KMT5A: variants seen among roughly 807,000 people sequenced by gnomAD.
KMT5A encodes the protein N-lysine methyltransferase KMT5A.
In KMT5A, 6 loss-of-function variants were observed where a neutral mutation model predicts 40.6. That is an observed-to-expected ratio of 0.15 (90% CI 0.08 to 0.29). The LOEUF (loss-of-function observed/expected upper bound fraction) is 0.29. Ranked by LOEUF, KMT5A falls within the 10% of genes least tolerant of loss-of-function variation. The pLI, the probability that KMT5A is intolerant of heterozygous loss-of-function variation, is 1.00. For synonymous variants in KMT5A, 153 were observed against 178.8 expected, an observed-to-expected ratio of 0.86 and a Z score of 1.15; for missense variants, 308 against 459.1, an observed-to-expected ratio of 0.67 and a Z score of 3.01.
intron 7 of KMT5A, 97 bp from the exon 8 acceptor site, chr12:123,407,396 A>G: frequency 8.5e-7 from 1 of 1,174,360 alleles, no homozygotes; most frequent in Non-Finnish European, 1.2e-6. Flanking sequence ...ATGGCTTTAA[A>G]TCAGCATCCC....
At chr12:123,403,523 G>T in intron 5 of KMT5A, 50 bp from the exon 6 acceptor site, 1 of 1,604,374 alleles carries the variant, frequency 6.2e-7, no homozygotes, top group Non-Finnish European at 8.5e-7. Context: ...AGCTACGCAC[G>T]ATGGGCCTAG....
chr12:123,398,757 G>C (rs1244170585), intron 5 of KMT5A, among the ~76,000 whole-genome samples: 2 of 152,254 alleles, frequency 1.3e-5, no homozygotes, highest in African/African-American at 4.8e-5. Context: ...TGACTGCACA[G>C]ATAAAGCCCA....
rs924076929 is a variant in KMT5A at position 123,403,747 on chromosome 12, A to C, written c.657+115A>C. The C allele has an allele frequency of 8.2e-6, 9 of 1,103,390 alleles. No individual in the cohort carries two copies. In the African/African-American group the frequency reaches 1.1e-4, roughly 13 times the overall value. 68.3% of individuals were successfully genotyped at this position (1,103,390 alleles called of 1,614,324 possible). On this transcript the variant is annotated intron_variant, in intron 6 of 7. Coordinates refer to ENST00000402868, the MANE Select transcript of KMT5A (RefSeq NM_020382.7). ...CTTTCACCCTCTAATGGCCATGGTG[A>C]CCAGGCAGACTCTATTAGGTTGTCA... is the stretch of plus-strand genomic sequence containing the variant.
intron 2 of KMT5A, chr12:123,390,077 A>G (rs1201071420): frequency 2.1e-6 from 1 of 469,020 alleles, no homozygotes; most frequent in East Asian, 7.0e-5. Context: ...CTCTTCCCAG[A>G]TTCCCCAGTC....
At position 123,384,202 on chromosome 12, in the gene KMT5A, GC is replaced by G; in HGVS notation, c.5del (p.Ala2ValfsTer57). On this transcript the variant is annotated frameshift_variant, in exon 1 of 8. Coordinates refer to ENST00000402868, the MANE Select transcript of KMT5A (RefSeq NM_020382.7). LOFTEE classifies it high-confidence loss of function. This position sits in a 1 kb window ranked among gnomAD's most constrained non-coding sequence, Gnocchi z 5.7. ...CAGGCGGTGACAGAGTGGAGCCATGGCTAGAGGTATTTGCCCAAGTGGCCGG... is the reference window on the plus strand; with the variant it reads ...CAGGCGGTGACAGAGTGGAGCCATGGTAGAGGTATTTGCCCAAGTGGCCGG... M[A>X]RGRKMSKPRA... 3 of 1,613,724 alleles carry G rather than the reference GC, an allele frequency of 1.9e-6. No individual in the cohort carries two copies. The highest frequency in any genetic ancestry group is 2.5e-6 in the Non-Finnish European group (3 of 1,179,790).
chr12:123,406,603 C>G (rs190935542), intron 7 of KMT5A, among the ~76,000 whole-genome samples: 1 of 152,168 alleles, frequency 6.6e-6, no homozygotes, highest in Admixed American at 6.6e-5. Flanking sequence ...CGTGAGCCAC[C>G]GCGCCTGGCG....
rs1430140831 is a variant in KMT5A, at chr12:123,407,999, C to T, written c.*296C>T. ...CTTCCCGTGCATGCAGTCAAAGACT[C>T]AGCACAGGTTTTAGAGGAAATAGTC... On this transcript the variant is annotated 3_prime_UTR_variant, in exon 8 of 8. Coordinates refer to ENST00000402868, the MANE Select transcript of KMT5A (RefSeq NM_020382.7). 24 of 343,422 alleles carry T rather than the reference C, an allele frequency of 7.0e-5. No individual in the cohort carries two copies. Among genetic ancestry groups the T allele is most frequent in the Non-Finnish European group, 1.6e-5 (3 of 183,924 alleles). The allele number at this position is 343,422 out of a possible 1,614,324, so 21.3% of individuals were successfully genotyped here. A position where few individuals can be genotyped will look rare whatever the true frequency, so the allele number is the denominator to read the frequency against.
chr12:123,398,958 G>A (rs1877948892), intron 5 of KMT5A, among the ~76,000 whole-genome samples: 1 of 152,152 alleles, frequency 6.6e-6, no homozygotes, highest in Non-Finnish European at 1.5e-5. Context: ...AGCCAGGGCG[G>A]GCCTAGCGCC....
intron 1 of KMT5A, chr12:123,388,470 C>G (rs1388170402): frequency 6.6e-6 from 1 of 152,306 alleles, no homozygotes; most frequent in Non-Finnish European, 1.5e-5. Flanking sequence ...TACAGCCCTT[C>G]TGGGTTTGAC....
intron 5 of KMT5A, among the ~76,000 whole-genome samples, chr12:123,402,034 C>T (rs1200145250): frequency 1.3e-5 from 2 of 152,152 alleles, no homozygotes; most frequent in African/African-American, 2.4e-5. Context: ...CAAAGGTGTA[C>T]GCCACCACAC....
intron 1 of KMT5A, 59 bp from the exon 2 acceptor site, chr12:123,389,374 C>T: frequency 2.0e-6 from 2 of 1,011,100 alleles, no homozygotes; most frequent in South Asian, 9.1e-5. Context: ...GGCCCCGCTC[C>T]CCGCCCCGCC....
At chr12:123,393,672 T>C (rs1307554625) in intron 3 of KMT5A, among the ~76,000 whole-genome samples, 1 of 152,094 alleles carries the variant, frequency 6.6e-6, no homozygotes, top group African/African-American at 2.4e-5. Context: ...CCCAAATAGC[T>C]GGGATTATAG....
chr12:123,398,945 A>G (rs1877947390), intron 5 of KMT5A, among the ~76,000 whole-genome samples: 1 of 152,246 alleles, frequency 6.6e-6, no homozygotes, highest in African/African-American at 2.4e-5. Context: ...GGCTGAAGAC[A>G]GCAGCCAGGG....
At chr12:123,407,046 T>C (rs1878609331) in intron 7 of KMT5A, among the ~76,000 whole-genome samples, 1 of 141,486 alleles carries the variant, frequency 7.1e-6, no homozygotes, top group African/African-American at 2.6e-5. Context: ...AAAAAAAGCT[T>C]TGCAAATTGA....
intron 5 of KMT5A, among the ~76,000 whole-genome samples, chr12:123,398,014 G>A (rs562680394): frequency 6.6e-6 from 1 of 151,292 alleles, no homozygotes; most frequent in East Asian, 2.0e-4. Context: ...CAGGTGCAGT[G>A]GCTCACACCT....
chr12:123,396,674 T>G, intron 5 of KMT5A, among the ~76,000 whole-genome samples: 1 of 152,224 alleles, frequency 6.6e-6, no homozygotes, highest in East Asian at 1.9e-4. Flanking sequence ...ACCTTGTGAC[T>G]TGTAGCATGT....
At chr12:123,400,954 C>T (rs978513846) in intron 5 of KMT5A, among the ~76,000 whole-genome samples, 1 of 151,580 alleles carries the variant, frequency 6.6e-6, no homozygotes, top group Non-Finnish European at 1.5e-5. Flanking sequence ...ACCACTATGC[C>T]CGGCTGATTT....
intron 5 of KMT5A, among the ~76,000 whole-genome samples, chr12:123,396,641 G>C (rs1877750469): frequency 6.6e-6 from 1 of 152,200 alleles, no homozygotes; most frequent in Non-Finnish European, 1.5e-5. Context: ...TGCAGGGCTT[G>C]GTTAAGACAC....
chr12:123,405,826 T>A (rs537147154), intron 7 of KMT5A, among the ~76,000 whole-genome samples: 6 of 151,048 alleles, frequency 4.0e-5, no homozygotes, highest in Non-Finnish European at 5.9e-5. Context: ...CTTCCCTTTT[T>A]TTTTTTCTTT....
Sources: gnomAD v4.1 joint callset for allele counts (sites outside exome capture counted in the v4.1 genomes callset) on GRCh38, gnomAD v4.1.1 for gene constraint, Gnocchi (gnomAD v3.1) non-coding constraint, MANE v1.5 for transcripts, NCBI Gene and HGNC (gene_info 2026-07-23, HGNC 2026-07-21) for gene names.